The following SLC9A2 variants were observed in gnomAD, a reference collection of about 807,000 sequenced individuals.
SLC9A2 encodes sodium/hydrogen exchanger 2.
Under a neutral mutation model 71.7 loss-of-function variants are expected in SLC9A2, and 42 were observed. That is an observed-to-expected ratio of 0.59 (90% confidence interval 0.46 to 0.76). SLC9A2 has a LOEUF of 0.76. Ranked by LOEUF, SLC9A2 falls within the 30% of genes least tolerant of loss-of-function variation. The pLI, the probability that SLC9A2 is intolerant of heterozygous loss-of-function variation, is 0.00. For synonymous variants in SLC9A2, 396 were observed against 392.5 expected (o/e 1.01, Z -0.10); for missense variants, 829 against 1,017.4 (o/e 0.81, Z 2.52).
chr2:102,637,459 G>A (rs562422508), intron 1 of SLC9A2, among the ~76,000 whole-genome samples: 45 of 152,284 alleles, frequency 3.0e-4, no homozygotes, highest in African/African-American at 9.4e-4. Flanking sequence ...GATCATTTCC[G>A]AGCTGTCCAG....
intron 7 of SLC9A2, among the ~76,000 whole-genome samples, chr2:102,700,668 C>A (rs1423641738): frequency 6.6e-6 from 1 of 152,096 alleles, no homozygotes; most frequent in Non-Finnish European, 1.5e-5. Flanking sequence ...ACAGTGATAA[C>A]GTTTCTGAGC....
intron 7 of SLC9A2, among the ~76,000 whole-genome samples, chr2:102,695,825 A>ATATTATATATAT (rs1441215105): frequency 1.5e-5 from 2 of 129,084 alleles, no homozygotes; most frequent in Admixed American, 8.5e-5. Context: ...ATATATATAT[A>ATATTATATATAT]AAAAGCTAAA....
At chr2:102,704,045 T>C (rs1573436800) in intron 9 of SLC9A2, among the ~76,000 whole-genome samples, 1 of 152,222 alleles carries the variant, frequency 6.6e-6, no homozygotes, top group East Asian at 1.9e-4. Context: ...ATATTCATGA[T>C]GGCTAAATAC....
rs1678052750 is a variant in SLC9A2 at position 102,709,207 on chromosome 2, TTTC to T, written c.*727_*729del. On this transcript the variant is annotated 3_prime_UTR_variant, in exon 12 of 12. Transcript: ENST00000233969. Reference sequence around the variant, plus strand: ...GTTTGGGGGTGACATCTAAATTCCATTTCTTCTTCTTGTTTAAATGGTGCAGAG... The same window carrying T: ...GTTTGGGGGTGACATCTAAATTCCATTTCTTCTTGTTTAAATGGTGCAGAG... 1 of 152,442 alleles carries T rather than the reference TTTC, an allele frequency of 6.6e-6. No individual in the cohort carries two copies. The highest frequency in any genetic ancestry group is 6.5e-5 in the Admixed American group (1 of 15,286). 9.4% of individuals were successfully genotyped at this position (152,442 alleles called of 1,614,324 possible).
chr2:102,704,734 G>C, intron 10 of SLC9A2, 59 bp downstream of exon 10: 1 of 1,554,480 alleles, frequency 6.4e-7, no homozygotes, highest in Admixed American at 1.7e-5. Context: ...CTATTCCATT[G>C]ATCAGCTGAT....
At chr2:102,645,195 T>C (rs1676696894) in intron 1 of SLC9A2, among the ~76,000 whole-genome samples, 1 of 152,176 alleles carries the variant, frequency 6.6e-6, no homozygotes, top group African/African-American at 2.4e-5. Context: ...CCAACAGACC[T>C]GCAGCAGAGG....
chr2:102,643,127 CA>C (rs1411676959), intron 1 of SLC9A2, among the ~76,000 whole-genome samples: 1 of 152,130 alleles, frequency 6.6e-6, no homozygotes, highest in African/African-American at 2.4e-5. Flanking sequence ...TTTTGTCAGT[CA>C]GGGGTCAAAA....
intron 2 of SLC9A2, 36 bp downstream of exon 2, chr2:102,658,063 G>A (rs1180852180): frequency 1.3e-6 from 2 of 1,518,838 alleles, no homozygotes; most frequent in Non-Finnish European, 1.8e-6. Context: ...TCCAACAGGT[G>A]GGGGCTGCCC....
At chr2:102,637,522 G>A (rs1676491878) in intron 1 of SLC9A2, among the ~76,000 whole-genome samples, 1 of 152,224 alleles carries the variant, frequency 6.6e-6, no homozygotes, top group Non-Finnish European at 1.5e-5. Context: ...GAGGTGACCA[G>A]GGCATGAGTC....
At chr2:102,647,713 C>A (rs1426422665) in intron 1 of SLC9A2, among the ~76,000 whole-genome samples, 1 of 152,142 alleles carries the variant, frequency 6.6e-6, no homozygotes, top group Non-Finnish European at 1.5e-5. Context: ...ACTATAAACA[C>A]CTCTATGCAA....
At chr2:102,679,911 G>T (rs1469476572) in intron 3 of SLC9A2, among the ~76,000 whole-genome samples, 1 of 152,182 alleles carries the variant, frequency 6.6e-6, no homozygotes, top group Admixed American at 6.5e-5. Flanking sequence ...GGAATGGGGT[G>T]AATATGAGAA....
In SLC9A2 at chr2:102,619,946, C is replaced by T. The variant is rs1676102541; in HGVS notation, c.98C>T (p.Ala33Val). The change falls in exon 1 of 12, where the codon GCG becomes GTG. Residue 33 changes from alanine (A) to valine (V), a missense_variant. By Grantham distance (64) the Ala-to-Val change is moderately conservative. Coordinates refer to ENST00000233969, the MANE Select transcript of SLC9A2 (RefSeq NM_003048.6). This position sits in a 1 kb window ranked among gnomAD's most constrained non-coding sequence, Gnocchi z 4.3. ...LQVAGPVGAL[A>V]ETLLNAPRAM... Reference sequence around the variant, plus strand: ...GTGGCGGGGCCCGTGGGCGCCCTGGCGGAGACCTTGCTGAACGCGCCGAGG... The same window carrying T: ...GTGGCGGGGCCCGTGGGCGCCCTGGTGGAGACCTTGCTGAACGCGCCGAGG... The T allele has an allele frequency of 6.8e-6, 11 of 1,610,658 alleles. No individual in the cohort carries two copies. Among genetic ancestry groups the T allele is most frequent in the Non-Finnish European group, 9.3e-6 (11 of 1,178,502 alleles).
At chr2:102,681,584 A>T (rs1184441498) in intron 3 of SLC9A2, among the ~76,000 whole-genome samples, 1 of 152,228 alleles carries the variant, frequency 6.6e-6, no homozygotes, top group Non-Finnish European at 1.5e-5. Flanking sequence ...GTGAAGATTG[A>T]CTGTTTTTAT....
chr2:102,670,070 T>A (rs1202144283), intron 3 of SLC9A2, among the ~76,000 whole-genome samples: 1 of 151,782 alleles, frequency 6.6e-6, no homozygotes, highest in African/African-American at 2.4e-5. Context: ...CTTGCTCTGT[T>A]GCCCAGGCTG....
intron 5 of SLC9A2, among the ~76,000 whole-genome samples, chr2:102,687,154 T>A (rs1158685870): frequency 6.6e-6 from 1 of 152,170 alleles, no homozygotes; most frequent in South Asian, 2.1e-4. Flanking sequence ...TATCTTCTTT[T>A]TCCTTTTCTC....
At chr2:102,680,309 T>C (rs1677429027) in intron 3 of SLC9A2, among the ~76,000 whole-genome samples, 2 of 152,194 alleles carry the variant, frequency 1.3e-5, no homozygotes, top group Non-Finnish European at 2.9e-5. Context: ...ATACTTTGTA[T>C]TGGAGAAATC....
intron 1 of SLC9A2, among the ~76,000 whole-genome samples, chr2:102,650,137 C>T (rs1021400028): frequency 2.0e-5 from 3 of 152,132 alleles, no homozygotes. Context: ...TACTATGCAG[C>T]CATAAAAAAG....
intron 1 of SLC9A2, among the ~76,000 whole-genome samples, chr2:102,624,948 A>C (rs949664706): frequency 1.3e-5 from 2 of 152,114 alleles, no homozygotes; most frequent in African/African-American, 4.8e-5. Context: ...TTATCCTTGC[A>C]CTTAGTCTGT....
intron 1 of SLC9A2, among the ~76,000 whole-genome samples, chr2:102,624,535 G>A (rs1227458764): frequency 2.0e-5 from 3 of 152,294 alleles, no homozygotes; most frequent in South Asian, 4.1e-4. Context: ...GACATGGACT[G>A]TATTTCTTCT....
Sources: gnomAD v4.1 joint callset for allele counts (sites outside exome capture counted in the v4.1 genomes callset) on GRCh38, gnomAD v4.1.1 for gene constraint, Gnocchi (gnomAD v3.1) non-coding constraint, MANE v1.5 for transcripts, NCBI Gene and HGNC (gene_info 2026-07-23, HGNC 2026-07-21) for gene names.